Variants in MRAP2 observed in about 807,000 individuals in gnomAD.
The protein encoded by MRAP2 is melanocortin 2 receptor accessory protein 2, also known as melanocortin-2 receptor accessory protein 2.
In MRAP2, 20 loss-of-function variants were observed where a neutral mutation model predicts 17.4. That is an observed-to-expected ratio of 1.15 (90% confidence interval 0.81 to 1.67). The LOEUF (loss-of-function observed/expected upper bound fraction) is 1.67. MRAP2 is among the 40% of genes most tolerant of loss of function. MRAP2 has a pLI of 0.00. For synonymous variants in MRAP2, 96 were observed against 88.4 expected, an observed-to-expected ratio of 1.09 and a Z score of -0.48; for missense variants, 238 against 240.0, an observed-to-expected ratio of 0.99 and a Z score of 0.05.
At chr6:84,064,369 G>A (rs1344041259) in intron 3 of MRAP2, among the ~76,000 whole-genome samples, 1 of 152,158 alleles carries the variant, frequency 6.6e-6, no homozygotes, top group East Asian at 1.9e-4. Flanking sequence ...ACAACCAGCA[G>A]CCAGAGGCTG....
At chr6:84,035,339 TCTTTAAGATAGCTCAAAACTAC>T in intron 1 of MRAP2, 3 of 753,156 alleles carry the variant, frequency 4.0e-6, no homozygotes, top group Non-Finnish European at 4.9e-6. Context: ...TAGAACAAAT[TCTTTAAGATAGCTCAAAACTAC>T]CTAGGGAAGC....
At chr6:84,091,066 T>G (rs1192865750), downstream of MRAP2, among the ~76,000 whole-genome samples, 1 of 152,168 alleles carries the variant, frequency 6.6e-6, no homozygotes, top group East Asian at 1.9e-4. Context: ...AAATCCCTTT[T>G]CTATTGTGTA....
chr6:84,058,408 A>G (rs2099492224), intron 2 of MRAP2, among the ~76,000 whole-genome samples: 1 of 152,182 alleles, frequency 6.6e-6, no homozygotes, highest in South Asian at 2.1e-4. Flanking sequence ...AAGATTTATG[A>G]CCTGAGTAAC....
chr6:84,089,470 G>T lies in MRAP2; in HGVS notation c.607G>T (p.Asp203Tyr), dbSNP rs745679228. Residue 203 changes from aspartate (D) to tyrosine (Y), a missense_variant, in exon 4 of 4, where the codon GAC becomes TAC. Asp to Tyr is a radical substitution (Grantham distance 160, BLOSUM62 -3). Transcript: ENST00000257776. Reference sequence around the variant, plus strand: ...GCCACTTTCCCAGACCTCACACAAAGACCTGGATTGAGAAACATGCTCTGT... The same window carrying T: ...GCCACTTTCCCAGACCTCACACAAATACCTGGATTGAGAAACATGCTCTGT... ...TKPLSQTSHK[D>Y]LD The T allele has an allele frequency of 1.4e-5, 23 of 1,611,996 alleles. No homozygotes were observed. Among genetic ancestry groups the T allele is most frequent in the Non-Finnish European group, 2.0e-5 (23 of 1,178,958 alleles).
chr6:84,141,187 C>T, the MRAP2 span, among the ~76,000 whole-genome samples: 1 of 151,804 alleles, frequency 6.6e-6, no homozygotes, highest in East Asian at 1.9e-4. Context: ...GGTTGGGGAC[C>T]CCTGGTCTAG....
chr6:84,079,481 C>G (rs1484007021), intron 3 of MRAP2, among the ~76,000 whole-genome samples: 1 of 152,080 alleles, frequency 6.6e-6, no homozygotes, highest in Non-Finnish European at 1.5e-5. Flanking sequence ...TGGGTGTGTT[C>G]ATTAATTAAA....
At chr6:84,056,728 T>C (rs1483896464) in intron 2 of MRAP2, among the ~76,000 whole-genome samples, 1 of 152,228 alleles carries the variant, frequency 6.6e-6, no homozygotes, top group Non-Finnish European at 1.5e-5. Flanking sequence ...CATATTTTCT[T>C]GAAATGTGGG....
the MRAP2 span, among the ~76,000 whole-genome samples, chr6:84,110,244 A>T: frequency 6.6e-6 from 1 of 152,202 alleles, no homozygotes; most frequent in African/African-American, 2.4e-5. Context: ...CATCTTCTCC[A>T]GCATCTGTTG....
chr6:84,076,762 G>A lies in MRAP2; in HGVS notation c.228-12329G>A, dbSNP rs145603813. Reference sequence around the variant, plus strand: ...CTTTTCATGAGTGGGGCAAACTGAAGACAGTTGTCAGCATGCTAAGACCAT... The same window carrying A: ...CTTTTCATGAGTGGGGCAAACTGAAAACAGTTGTCAGCATGCTAAGACCAT... On this transcript the variant is annotated intron_variant, in intron 3 of 3. Coordinates refer to ENST00000257776, the MANE Select transcript of MRAP2 (RefSeq NM_138409.4). Among the ~76,000 whole-genome samples the A allele has an allele frequency of 7.5e-3, 1,142 of 152,360 alleles. 8 individuals are homozygous for A. Among genetic ancestry groups the A allele is most frequent in the Middle Eastern group, 0.031 (9 of 294 alleles).
intron 3 of MRAP2, among the ~76,000 whole-genome samples, chr6:84,083,285 A>C (rs1216612392): frequency 6.6e-6 from 1 of 152,228 alleles, no homozygotes; most frequent in Non-Finnish European, 1.5e-5. Context: ...TACTTTTAAC[A>C]ATTATACCTG....
At chr6:84,067,730 GTT>G (rs57643473) in intron 3 of MRAP2, among the ~76,000 whole-genome samples, 2,497 of 125,626 alleles carry the variant, frequency 0.02, 62 homozygotes, top group African/African-American at 0.066. Context: ...GGATGGAATT[GTT>G]TTTTTTTTTT....
the MRAP2 span, among the ~76,000 whole-genome samples, chr6:84,120,580 C>T: frequency 6.6e-6 from 1 of 152,104 alleles, no homozygotes; most frequent in African/African-American, 2.4e-5. Context: ...ATATATAGAA[C>T]TGAAGACCTG....
chr6:84,055,682 C>T (rs1408596515), intron 2 of MRAP2, among the ~76,000 whole-genome samples: 1 of 152,158 alleles, frequency 6.6e-6, no homozygotes, highest in African/African-American at 2.4e-5. Context: ...AGTAGGAGAA[C>T]ATGAATCAAT....
the MRAP2 span, among the ~76,000 whole-genome samples, chr6:84,096,340 A>T: frequency 6.6e-6 from 1 of 152,280 alleles, no homozygotes; most frequent in East Asian, 1.9e-4. Context: ...TGATAAAATT[A>T]ATAAAGACAA....
intron 1 of MRAP2, among the ~76,000 whole-genome samples, chr6:84,053,784 G>C (rs1459490189): frequency 6.6e-6 from 1 of 152,156 alleles, no homozygotes; most frequent in Admixed American, 6.5e-5. Context: ...CTGAAGCTCA[G>C]ATTTTTCAGG....
chr6:84,119,904 A>G, the MRAP2 span, among the ~76,000 whole-genome samples: 1 of 152,230 alleles, frequency 6.6e-6, no homozygotes, highest in Non-Finnish European at 1.5e-5. Flanking sequence ...TTCCTCTAGC[A>G]TAACTCCTGG....
chr6:84,075,095 C>G (rs899883253), intron 3 of MRAP2, among the ~76,000 whole-genome samples: 1 of 152,218 alleles, frequency 6.6e-6, no homozygotes, highest in Non-Finnish European at 1.5e-5. Context: ...AGAAACATCT[C>G]CACTTGCAGC....
At chr6:84,121,671 A>G in the MRAP2 span, among the ~76,000 whole-genome samples, 1 of 152,282 alleles carries the variant, frequency 6.6e-6, no homozygotes, top group East Asian at 1.9e-4. Flanking sequence ...GCACAAGTAC[A>G]TAAAAACAAA....
the MRAP2 span, among the ~76,000 whole-genome samples, chr6:84,136,281 G>A: frequency 6.6e-6 from 1 of 152,172 alleles, no homozygotes; most frequent in African/African-American, 2.4e-5. Context: ...AAATACCACA[G>A]ACATTTATTT....
Sources: gnomAD v4.1 joint callset for allele counts (sites outside exome capture counted in the v4.1 genomes callset) on GRCh38, gnomAD v4.1.1 for gene constraint, MANE v1.5 for transcripts, NCBI Gene and HGNC (gene_info 2026-07-23, HGNC 2026-07-21) for gene names.